WDR7: variants seen among roughly 807,000 people sequenced by gnomAD.
WDR7 encodes WD repeat-containing protein 7.
WDR7 carries 46 observed loss-of-function variants against 169.4 expected under a neutral mutation model. The observed-to-expected ratio is 0.27, with a 90% CI of 0.21 to 0.35. The LOEUF (loss-of-function observed/expected upper bound fraction) is 0.35, where lower values mean the gene tolerates loss of function less well. Ranked by LOEUF, WDR7 falls within the 10% of genes least tolerant of loss-of-function variation. The probability of loss-of-function intolerance (pLI) is 1.00; values close to 1 mark genes in which losing one functional copy is unlikely to be tolerated. For synonymous variants in WDR7, 612 were observed against 666.8 expected (o/e 0.92, Z 1.27); for missense variants, 1,534 against 1,859.3 (o/e 0.83, Z 3.22).
intron 25 of WDR7, among the ~76,000 whole-genome samples, chr18:56,947,066 A>G (rs1315232473): frequency 6.6e-6 from 1 of 152,228 alleles, no homozygotes; most frequent in African/African-American, 2.4e-5. Context: ...AGTGCCCTTG[A>G]AAAAATGTAG....
intron 20 of WDR7, among the ~76,000 whole-genome samples, chr18:56,816,679 A>T (rs1384317345): frequency 6.6e-6 from 1 of 151,970 alleles, no homozygotes; most frequent in Non-Finnish European, 1.5e-5. Flanking sequence ...AGCAAATTTT[A>T]GGAAACTCAC....
chr18:56,902,565 G>A (rs925991170), intron 21 of WDR7, among the ~76,000 whole-genome samples: 1 of 152,098 alleles, frequency 6.6e-6, no homozygotes, highest in African/African-American at 2.4e-5. Flanking sequence ...CAGGTGTAGT[G>A]GTATTAAGGA....
At chr18:56,978,141 G>A (rs2047593477) in intron 26 of WDR7, among the ~76,000 whole-genome samples, 3 of 152,212 alleles carry the variant, frequency 2.0e-5, no homozygotes, top group Non-Finnish European at 4.4e-5. Context: ...CAGGCATGTG[G>A]ACTGTCCTTC....
chr18:56,671,474 G>T (rs917825228), intron 1 of WDR7, among the ~76,000 whole-genome samples: 1 of 152,040 alleles, frequency 6.6e-6, no homozygotes, highest in Non-Finnish European at 1.5e-5. Context: ...GTTTCACCTT[G>T]TTGGCCAGGC....
intron 12 of WDR7, among the ~76,000 whole-genome samples, chr18:56,707,126 G>A (rs143584081): frequency 0.033 from 5,012 of 151,898 alleles, 272 homozygotes; most frequent in African/African-American, 0.11. Flanking sequence ...GATTACAGGC[G>A]CGCACCACCA....
downstream of WDR7, chr18:57,032,761 C>T (rs1290592163): frequency 1.8e-5 from 3 of 163,380 alleles, no homozygotes; most frequent in Non-Finnish European, 3.7e-5. Flanking sequence ...AAGCTCAGGG[C>T]TCTCACTGAT....
intron 26 of WDR7, among the ~76,000 whole-genome samples, chr18:57,002,777 G>A (rs965416216): frequency 1.3e-5 from 2 of 152,132 alleles, no homozygotes; most frequent in East Asian, 1.9e-4. Flanking sequence ...TGCCCAGGAA[G>A]TAAAAGCAAA....
intron 13 of WDR7, among the ~76,000 whole-genome samples, chr18:56,730,829 G>C (rs1342755094): frequency 6.6e-5 from 10 of 152,046 alleles, no homozygotes; most frequent in Admixed American, 6.6e-4. Context: ...AGAAGTAGTG[G>C]TAATTTCCAC....
intron 20 of WDR7, among the ~76,000 whole-genome samples, chr18:56,825,496 CAGG>C (rs750696428): frequency 3.2e-4 from 48 of 152,208 alleles, no homozygotes; most frequent in Admixed American, 1.0e-3. Flanking sequence ...TTCCGTTTTA[CAGG>C]AGAAGAAAAT....
chr18:56,924,879 T>C (rs1303229804), intron 22 of WDR7, among the ~76,000 whole-genome samples: 1 of 152,202 alleles, frequency 6.6e-6, no homozygotes, highest in Non-Finnish European at 1.5e-5. Context: ...TTACCACTAT[T>C]TAGTCCCCAC....
At chr18:56,973,831 A>G (rs576653180) in intron 26 of WDR7, among the ~76,000 whole-genome samples, 1 of 152,348 alleles carries the variant, frequency 6.6e-6, no homozygotes, top group East Asian at 1.9e-4. Context: ...AGGAAGAGGC[A>G]CATACCTGGT....
At chr18:56,761,167 C>T (rs1285980397) in intron 16 of WDR7, among the ~76,000 whole-genome samples, 2 of 152,090 alleles carry the variant, frequency 1.3e-5, no homozygotes, top group East Asian at 3.9e-4. Flanking sequence ...ACACCACCAT[C>T]CTGACTAATT....
At chr18:56,911,030 T>C (rs760136313) in intron 21 of WDR7, among the ~76,000 whole-genome samples, 16 of 152,230 alleles carry the variant, frequency 1.1e-4, no homozygotes, top group Admixed American at 8.5e-4. Flanking sequence ...CAGATTTTCA[T>C]AGAGCTTTGT....
At chr18:56,909,111 T>C (rs2046519683) in intron 21 of WDR7, among the ~76,000 whole-genome samples, 1 of 152,152 alleles carries the variant, frequency 6.6e-6, no homozygotes, top group Non-Finnish European at 1.5e-5. Context: ...TTTTATCTCA[T>C]TGAATGAGGA....
At chr18:56,945,213 G>C (rs934025539) in intron 25 of WDR7, among the ~76,000 whole-genome samples, 1 of 152,122 alleles carries the variant, frequency 6.6e-6, no homozygotes, top group African/African-American at 2.4e-5. Context: ...CATGAGAATA[G>C]AAGTCCTCTG....
intron 20 of WDR7, among the ~76,000 whole-genome samples, chr18:56,853,431 G>T (rs1237019835): frequency 6.6e-6 from 1 of 152,088 alleles, no homozygotes; most frequent in Non-Finnish European, 1.5e-5. Context: ...CTTACAGGCT[G>T]TTTCCTTTAT....
chr18:56,957,252 G>C (rs1169749499), intron 25 of WDR7: 4 of 152,148 alleles, frequency 2.6e-5, no homozygotes, highest in Non-Finnish European at 2.9e-5. Flanking sequence ...CATCACTTTT[G>C]TATTAAAGGT....
intron 26 of WDR7, among the ~76,000 whole-genome samples, chr18:56,971,633 G>A (rs1053506185): frequency 1.3e-5 from 2 of 152,136 alleles, no homozygotes; most frequent in African/African-American, 4.8e-5. Flanking sequence ...GGGAGGATTG[G>A]TTAGGAAGGG....
At chr18:56,790,862 T>A (rs8089610) in intron 19 of WDR7, among the ~76,000 whole-genome samples, 1,646 of 149,150 alleles carry the variant, frequency 0.011, 29 homozygotes, top group African/African-American at 0.037. Context: ...TAAAGAAAAA[T>A]TTTTTTTTTA....
Sources: allele counts gnomAD v4.1 joint callset (sites outside exome capture counted in the v4.1 genomes callset), GRCh38; gene constraint gnomAD v4.1.1; transcripts MANE v1.5; gene names NCBI Gene and HGNC (gene_info 2026-07-23, HGNC 2026-07-21).